OGDH: variants seen among roughly 807,000 people sequenced by gnomAD.
The protein encoded by OGDH is 2-oxoglutarate dehydrogenase complex component E1.
In OGDH, 38 loss-of-function variants were observed where a neutral mutation model predicts 116.6. The observed-to-expected ratio is 0.33, with a 90% CI of 0.25 to 0.43. OGDH has a LOEUF of 0.43. Among genes scored for constraint, OGDH ranks in the 20% least tolerant of loss-of-function variants. The pLI, the probability that OGDH is intolerant of heterozygous loss-of-function variation, is 1.00. For synonymous variants in OGDH, 488 were observed against 533.3 expected (o/e 0.92, Z 1.17); for missense variants, 825 against 1,357.2 (o/e 0.61, Z 6.16).
chr7:44,688,809 G>A (rs1349652200), intron 10 of OGDH, among the ~76,000 whole-genome samples: 1 of 151,890 alleles, frequency 6.6e-6, no homozygotes, highest in African/African-American at 2.4e-5. Context: ...AGTGCAAGTG[G>A]CATAATCTCA....
At chr7:44,667,121 A>T (rs561672002) in intron 5 of OGDH, among the ~76,000 whole-genome samples, 211 of 151,448 alleles carry the variant, frequency 1.4e-3, no homozygotes, top group Middle Eastern at 6.8e-3. Flanking sequence ...ATTTTTTTTT[A>T]ATTTTTTATT....
chr7:44,669,055 C>T (rs997179523), intron 5 of OGDH, among the ~76,000 whole-genome samples: 27 of 151,764 alleles, frequency 1.8e-4, no homozygotes, highest in African/African-American at 6.5e-4. Context: ...TCTGTTACAA[C>T]AGCCATCTGG....
intron 1 of OGDH, among the ~76,000 whole-genome samples, chr7:44,606,992 A>G (rs1484534606): frequency 6.6e-6 from 1 of 151,912 alleles, no homozygotes; most frequent in Non-Finnish European, 1.5e-5. Context: ...TGTGAGGGAG[A>G]GGGCGGTGCG....
At chr7:44,670,561 A>G (rs1787387330) in intron 5 of OGDH, among the ~76,000 whole-genome samples, 1 of 152,170 alleles carries the variant, frequency 6.6e-6, no homozygotes, top group South Asian at 2.1e-4. Context: ...TACCTTGGGC[A>G]CTATGGATCC....
intron 2 of OGDH, among the ~76,000 whole-genome samples, chr7:44,640,969 C>A (rs1431932081): frequency 4.6e-5 from 7 of 151,260 alleles, no homozygotes; most frequent in Non-Finnish European, 1.0e-4. Flanking sequence ...TCTCAGCTCA[C>A]TGCAACCTCC....
In OGDH at chr7:44,675,165, C is replaced by G. The variant is rs752192137; in HGVS notation, c.936-13C>G. ...CTCAGGCTCTGCTCACCCTACTCGCCCATACGTTCCAGAGGGCGGCTGAAC... is the reference window on the plus strand; with the variant it reads ...CTCAGGCTCTGCTCACCCTACTCGCGCATACGTTCCAGAGGGCGGCTGAAC... On this transcript the variant is annotated splice_polypyrimidine_tract_variant and intron_variant, in intron 7 of 22. Coordinates refer to ENST00000222673, the MANE Select transcript of OGDH (RefSeq NM_002541.4). 3.1e-5 allele frequency: 50 copies of G among 1,611,244 alleles called. No homozygotes were observed. The highest frequency in any genetic ancestry group is 4.1e-5 in the Non-Finnish European group (48 of 1,177,606).
intron 10 of OGDH, among the ~76,000 whole-genome samples, chr7:44,684,300 G>A (rs1241105403): frequency 6.6e-6 from 1 of 152,136 alleles, no homozygotes; most frequent in African/African-American, 2.4e-5. Context: ...AAGATGATTT[G>A]TTATAGTTTA....
intron 2 of OGDH, among the ~76,000 whole-genome samples, chr7:44,643,094 TAAA>T (rs769649359): frequency 0.074 from 9,257 of 124,390 alleles, 1,088 homozygotes; most frequent in African/African-American, 0.25. Flanking sequence ...CCTGTTTCTT[TAAA>T]AAAAAAAAAA....
At chr7:44,671,835 T>C (rs1261769202) in intron 5 of OGDH, among the ~76,000 whole-genome samples, 1 of 145,426 alleles carries the variant, frequency 6.9e-6, no homozygotes. Context: ...TTTGGGAGGC[T>C]GAGGCAGGCG....
At chr7:44,650,711 T>C (rs774624779) in intron 4 of OGDH, among the ~76,000 whole-genome samples, 1 of 152,118 alleles carries the variant, frequency 6.6e-6, no homozygotes, top group African/African-American at 2.4e-5. Context: ...GTTTGCAAAC[T>C]AAGAAGTGAG....
intron 10 of OGDH, among the ~76,000 whole-genome samples, chr7:44,693,176 TGCGTG>T (rs1788435117): frequency 6.6e-6 from 1 of 152,048 alleles, no homozygotes; most frequent in African/African-American, 2.4e-5. Context: ...GGCATGGTGG[TGCGTG>T]CCTGTATTCC....
Position 44,627,864 on chromosome 7 carries a change from A to T in OGDH, c.222+3299A>T, listed in dbSNP as rs1185786391. ...GCTAATTTTTGTATTTTTAGTAGAG[A>T]CGGGGTTTCACCATGTTGGCCAGGC... On this transcript the variant is annotated intron_variant, in intron 2 of 22. Coordinates refer to ENST00000222673, the MANE Select transcript of OGDH (RefSeq NM_002541.4). Among the ~76,000 whole-genome samples, 3 of 152,158 alleles carry T rather than the reference A, an allele frequency of 2.0e-5. No homozygotes were observed. The East Asian group carries it at 5.8e-4, about 29-fold the overall frequency.
intron 1 of OGDH, among the ~76,000 whole-genome samples, chr7:44,613,550 G>A (rs1357121465): frequency 1.3e-5 from 2 of 150,272 alleles, no homozygotes; most frequent in African/African-American, 4.9e-5. Flanking sequence ...TAGTAGAGAT[G>A]GGGTTTCACC....
rs139957589 is a variant in OGDH at position 44,637,282 on chromosome 7, T to A, written c.223-8045T>A. On this transcript the variant is annotated intron_variant, in intron 2 of 22. Transcript: ENST00000222673. ...TACCTTGCCTTTAGGGCTCAGACCGTGGGCCCCTCCTCAGAGCATCCTTGC... is the reference window on the plus strand; with the variant it reads ...TACCTTGCCTTTAGGGCTCAGACCGAGGGCCCCTCCTCAGAGCATCCTTGC... Among the ~76,000 whole-genome samples, 3 of 152,322 alleles carry A rather than the reference T, an allele frequency of 2.0e-5. No homozygotes were observed. The East Asian group carries it at 5.8e-4, about 29-fold the overall frequency.
chr7:44,616,786 T>TGC (rs1784798990), intron 1 of OGDH, among the ~76,000 whole-genome samples: 4 of 62,782 alleles, frequency 6.4e-5, no homozygotes, highest in Admixed American at 3.5e-4. Context: ...TGTATATGCA[T>TGC]ATATATATGT....
At chr7:44,686,181 C>CT (rs1295330055) in intron 10 of OGDH, among the ~76,000 whole-genome samples, 2 of 152,092 alleles carry the variant, frequency 1.3e-5, no homozygotes, top group Non-Finnish European at 2.9e-5. Context: ...GCTAGGACCT[C>CT]AGCACAGTGT....
chr7:44,706,177 A>G (rs1789062645), intron 20 of OGDH, among the ~76,000 whole-genome samples: 1 of 151,958 alleles, frequency 6.6e-6, no homozygotes, highest in Admixed American at 6.6e-5. Flanking sequence ...TCCTGAGCTC[A>G]AGGGATCCTC....
At position 44,630,557 on chromosome 7, in the gene OGDH, T is replaced by C. The variant is rs896945057; in HGVS notation, c.222+5992T>C. ...TTATGAATGACTTATCAGAAATATA[T>C]GTAGTCATTCCTTGGTATCTGTGGG... is the stretch of plus-strand genomic sequence containing the variant. On this transcript the variant is annotated intron_variant, in intron 2 of 22. Coordinates refer to ENST00000222673, the MANE Select transcript of OGDH (RefSeq NM_002541.4). 5.3e-5 allele frequency among the ~76,000 whole-genome samples: 8 copies of C among 152,332 alleles called. No individual in the cohort carries two copies. The East Asian group carries it at 7.7e-4, about 15-fold the overall frequency.
At chr7:44,698,606 T>C (rs919676192) in intron 18 of OGDH, among the ~76,000 whole-genome samples, 1 of 152,016 alleles carries the variant, frequency 6.6e-6, no homozygotes. Flanking sequence ...GAGAGAACTT[T>C]GGGGCGATTC....
Sources: allele counts gnomAD v4.1 joint callset (sites outside exome capture counted in the v4.1 genomes callset), GRCh38; gene constraint gnomAD v4.1.1; transcripts MANE v1.5; gene names NCBI Gene and HGNC (gene_info 2026-07-23, HGNC 2026-07-21).